Variants in TMEM132B observed in about 807,000 individuals in gnomAD.
The protein encoded by TMEM132B is transmembrane protein 132B.
Under a neutral mutation model 90.8 loss-of-function variants are expected in TMEM132B, and 18 were observed. That is an observed-to-expected ratio of 0.20 (90% CI 0.14 to 0.29). TMEM132B has a LOEUF of 0.29. TMEM132B is among the 10% of genes least tolerant of loss of function. The probability of loss-of-function intolerance (pLI) is 1.00; values close to 1 mark genes in which losing one functional copy is unlikely to be tolerated. For missense variants in TMEM132B, 1,096 were observed against 1,326.8 expected, an observed-to-expected ratio of 0.83 and a Z score of 2.70; for synonymous variants, 504 against 523.3, an observed-to-expected ratio of 0.96 and a Z score of 0.50.
At chr12:125,370,144 C>T (rs2136268979) in intron 2 of TMEM132B, among the ~76,000 whole-genome samples, 1 of 152,284 alleles carries the variant, frequency 6.6e-6, no homozygotes, top group East Asian at 1.9e-4. Context: ...CCTGTTGTGG[C>T]TTAAGATCGG....
At chr12:125,512,177 T>G (rs1882998932) in intron 3 of TMEM132B, among the ~76,000 whole-genome samples, 1 of 152,122 alleles carries the variant, frequency 6.6e-6, no homozygotes, top group Non-Finnish European at 1.5e-5. Flanking sequence ...TTGGGGGACA[T>G]GATAAGTGAG....
chr12:125,239,668 C>T (rs1426557006), intron 1 of TMEM132B, among the ~76,000 whole-genome samples: 1 of 152,234 alleles, frequency 6.6e-6, no homozygotes, highest in East Asian at 1.9e-4. Context: ...TTGAGTGTGG[C>T]AGCCTGGGGG....
At position 125,537,524 on chromosome 12, in the gene TMEM132B, C is replaced by G. The variant is rs547125027; in HGVS notation, c.1293+17899C>G. 9.7e-4 allele frequency among the ~76,000 whole-genome samples: 147 copies of G among 152,260 alleles called. 1 individual carries two copies. The highest frequency in any genetic ancestry group is 3.4e-3 in the African/African-American group (141 of 41,550). Reference sequence around the variant, plus strand: ...ACCTGGGGCGGACATCCATTCTTGACAATGGCTGCAGTGAGGGGCATCACT... The same window carrying G: ...ACCTGGGGCGGACATCCATTCTTGAGAATGGCTGCAGTGAGGGGCATCACT... On this transcript the variant is annotated intron_variant, in intron 4 of 8. Coordinates refer to ENST00000682704, the MANE Select transcript of TMEM132B (RefSeq NM_001366854.1).
At chr12:125,355,402 C>T (rs558706571) in intron 2 of TMEM132B, among the ~76,000 whole-genome samples, 2 of 152,152 alleles carry the variant, frequency 1.3e-5, no homozygotes, top group African/African-American at 4.8e-5. Context: ...ATGTGATGGG[C>T]TTGGGAGCAC....
Position 125,198,118 on chromosome 12 carries a change from A to T in TMEM132B, c.67+11252A>T, listed in dbSNP as rs79381440. ...CTTCATATTGGGTTAAAAGATGGAT[A>T]TAGCCTTCTTTATGTTTAATCTGTG... On this transcript the variant is annotated intron_variant, in intron 1 of 8. Transcript: ENST00000682704. 2.1e-3 allele frequency among the ~76,000 whole-genome samples: 316 copies of T among 152,342 alleles called. 1 individual carries two copies. Among genetic ancestry groups the T allele is most frequent in the Admixed American group, 8.4e-3 (128 of 15,304 alleles).
chr12:125,253,142 C>T (rs1414225705), intron 1 of TMEM132B, among the ~76,000 whole-genome samples: 1 of 152,106 alleles, frequency 6.6e-6, no homozygotes. Context: ...GTGGAGGCTG[C>T]CTCTGACCCC....
intron 1 of TMEM132B, among the ~76,000 whole-genome samples, chr12:125,192,714 C>T (rs1221339717): frequency 6.6e-6 from 1 of 152,156 alleles, no homozygotes; most frequent in Non-Finnish European, 1.5e-5. Flanking sequence ...AGGGACTTGG[C>T]GTTTGTGGAA....
rs145824094 is a variant in TMEM132B at position 125,613,994 on chromosome 12, T to A, written c.1437+30000T>A. Among the ~76,000 whole-genome samples the A allele has an allele frequency of 4.2e-3, 637 of 152,262 alleles. 3 individuals carry two copies. The highest frequency in any genetic ancestry group is 0.013 in the African/African-American group (528 of 41,562). ...AAATATATTACATTTATTCATGTTA[T>A]TGGCCCAACAATATAATTGTATACA... On this transcript the variant is annotated intron_variant, in intron 5 of 8. Coordinates refer to ENST00000682704, the MANE Select transcript of TMEM132B (RefSeq NM_001366854.1).
chr12:125,353,985 CT>C (rs1319932488), intron 2 of TMEM132B, among the ~76,000 whole-genome samples: 1 of 152,110 alleles, frequency 6.6e-6, no homozygotes, highest in Non-Finnish European at 1.5e-5. Context: ...AAGCAATGAA[CT>C]GTCAGCCTCC....
intron 3 of TMEM132B, among the ~76,000 whole-genome samples, chr12:125,467,430 C>T (rs964000198): frequency 6.6e-6 from 1 of 152,060 alleles, no homozygotes; most frequent in Non-Finnish European, 1.5e-5. Context: ...TTCCCCTTCT[C>T]CTCCCCCACC....
intron 4 of TMEM132B, among the ~76,000 whole-genome samples, chr12:125,534,599 TATGATTA>T (rs1883747625): frequency 2.0e-5 from 3 of 152,082 alleles, no homozygotes; most frequent in Admixed American, 6.6e-5. Flanking sequence ...ATCATCTTAC[TATGATTA>T]AAGGGAAAAG....
At chr12:125,620,874 C>A (rs1886098428) in intron 5 of TMEM132B, among the ~76,000 whole-genome samples, 1 of 152,192 alleles carries the variant, frequency 6.6e-6, no homozygotes, top group Non-Finnish European at 1.5e-5. Context: ...CCCAATGATT[C>A]CATTGCCTCC....
At chr12:125,543,812 C>A (rs537960620) in intron 4 of TMEM132B, among the ~76,000 whole-genome samples, 1 of 152,206 alleles carries the variant, frequency 6.6e-6, no homozygotes, top group East Asian at 1.9e-4. Flanking sequence ...AGGTTAGAAC[C>A]AGAAATACCA....
intron 3 of TMEM132B, among the ~76,000 whole-genome samples, chr12:125,486,716 T>A (rs1882214851): frequency 6.6e-6 from 1 of 152,240 alleles, no homozygotes; most frequent in Admixed American, 6.5e-5. Flanking sequence ...GAGGGTTCGG[T>A]CACTGTAAAA....
chr12:125,528,634 A>C (rs1264665576), intron 4 of TMEM132B, among the ~76,000 whole-genome samples: 2 of 152,206 alleles, frequency 1.3e-5, no homozygotes, highest in African/African-American at 4.8e-5. Flanking sequence ...CAAGAAACAT[A>C]AACAGTTGAC....
chr12:125,526,155 C>T lies in TMEM132B; in HGVS notation c.1293+6530C>T, dbSNP rs374212885. On this transcript the variant is annotated intron_variant, in intron 4 of 8. Coordinates refer to ENST00000682704, the MANE Select transcript of TMEM132B (RefSeq NM_001366854.1). Reference sequence around the variant, plus strand: ...AGCTACCCCGTTACCAGCCTCCCTCCTCTGGGCCTCCTGCCTTGTGACACA... The same window carrying T: ...AGCTACCCCGTTACCAGCCTCCCTCTTCTGGGCCTCCTGCCTTGTGACACA... Among the ~76,000 whole-genome samples, 45 of 152,306 alleles carry T rather than the reference C, an allele frequency of 3.0e-4. No homozygotes were observed. The East Asian group carries it at 6.0e-3, about 20-fold the overall frequency.
chr12:125,190,411 T>G (rs922185090), intron 1 of TMEM132B, among the ~76,000 whole-genome samples: 45 of 43,064 alleles, frequency 1.0e-3, no homozygotes, highest in African/African-American at 1.7e-3. Flanking sequence ...GGGAAAGGGG[T>G]GGTGATGGGA....
intron 2 of TMEM132B, among the ~76,000 whole-genome samples, chr12:125,367,948 A>T (rs183283457): frequency 6.6e-6 from 1 of 151,944 alleles, no homozygotes; most frequent in Non-Finnish European, 1.5e-5. Context: ...CTATTGTGTT[A>T]TCAAATATTA....
Position 125,224,401 on chromosome 12 carries a change from T to C in TMEM132B, c.67+37535T>C, listed in dbSNP as rs12582094. Among the ~76,000 whole-genome samples, 1,220 of 152,348 alleles carry C rather than the reference T, an allele frequency of 8.0e-3. 36 individuals are homozygous for C. Among genetic ancestry groups the C allele is most frequent in the Admixed American group, 0.057 (875 of 15,302 alleles). On this transcript the variant is annotated intron_variant, in intron 1 of 8. Coordinates refer to ENST00000682704, the MANE Select transcript of TMEM132B (RefSeq NM_001366854.1). ...AATCGTGAAAATTCAGTCTCTGTTT[T>C]AAGTGGGTCCACTTTAAGTGGACTT... is the stretch of plus-strand genomic sequence containing the variant.
Sources: gnomAD v4.1 joint callset for allele counts (sites outside exome capture counted in the v4.1 genomes callset) on GRCh38, gnomAD v4.1.1 for gene constraint, MANE v1.5 for transcripts, NCBI Gene and HGNC (gene_info 2026-07-23, HGNC 2026-07-21) for gene names.